CHD1: variants seen among roughly 807,000 people sequenced by gnomAD.
CHD1 encodes the protein ATP-dependent chromatin remodeler CHD1.
Under a neutral mutation model 224.2 loss-of-function variants are expected in CHD1, and 36 were observed. The observed-to-expected ratio is 0.16, with a 90% CI of 0.12 to 0.21. The LOEUF (loss-of-function observed/expected upper bound fraction) is 0.21. CHD1 is among the 10% of genes least tolerant of loss of function. The pLI, the probability that CHD1 is intolerant of heterozygous loss-of-function variation, is 1.00. For synonymous variants in CHD1, 668 were observed against 658.3 expected (o/e 1.01, Z -0.23); for missense variants, 1,378 against 1,994.8 (o/e 0.69, Z 5.89).
chr5:98,903,906 A>G lies in CHD1; in HGVS notation c.258T>C (p.Phe86=), dbSNP rs1751882321. Reference sequence around the variant, plus strand: ...CCAGAATACTAGGACTAGATTTCCAAAACTATAATAGAAATATAAACCAGT... The same window carrying G: ...CCAGAATACTAGGACTAGATTTCCAGAACTATAATAGAAATATAAACCAGT... The part of the protein sequence containing the change: ...AKPPKVDGAE[F]WKSSPSILAV... Residue 86 remains phenylalanine (F), a splice_region_variant and synonymous_variant, in exon 4 of 36, where the codon TTT becomes TTC. Transcript: ENST00000614616. 3 of 1,571,538 alleles carry G rather than the reference A, an allele frequency of 1.9e-6. No individual in the cohort carries two copies. Among genetic ancestry groups the G allele is most frequent in the Non-Finnish European group, 2.6e-6 (3 of 1,150,260 alleles).
At chr5:98,920,120 A>G (rs1305334440) in intron 2 of CHD1, among the ~76,000 whole-genome samples, 1 of 152,130 alleles carries the variant, frequency 6.6e-6, no homozygotes, top group Admixed American at 6.5e-5. Flanking sequence ...TATATTTTAT[A>G]GAGTTGTAAT....
intron 30 of CHD1, 27 bp downstream of exon 30, chr5:98,869,727 G>C: frequency 6.2e-7 from 1 of 1,608,212 alleles, no homozygotes; most frequent in Non-Finnish European, 8.5e-7. Flanking sequence ...CCATAGAAAA[G>C]GTTGTTGTTC....
At chr5:98,903,683 CTACT>C (rs1432904375) in intron 4 of CHD1, 105 bp downstream of exon 4, 6 of 833,120 alleles carry the variant, frequency 7.2e-6, no homozygotes, top group Non-Finnish European at 6.2e-6. Context: ...AAAGTATTTC[CTACT>C]TATTCTTTCA....
At position 98,856,373 on chromosome 5, in the gene CHD1, G is replaced by T. The variant is rs1390563582; in HGVS notation, c.*7C>A. 5 of 1,600,582 alleles carry T rather than the reference G, an allele frequency of 3.1e-6. No individual in the cohort carries two copies. The highest frequency in any genetic ancestry group is 3.4e-6 in the Non-Finnish European group (4 of 1,168,980). On this transcript the variant is annotated 3_prime_UTR_variant, in exon 36 of 36. Coordinates refer to ENST00000614616, the MANE Select transcript of CHD1 (RefSeq NM_001270.4). ...AAAAGTCCAGAAAGACGAAGTATCA[G>T]TTTTTGTTATGTTTTCCGACTACTC...
In CHD1 at chr5:98,893,621, A is replaced by C; in HGVS notation, c.1801-15T>G. ...CCAAGGAATGCCTTAAAATAATAGA[A>C]AAACAGTATTTTGAGAGAAAAACGG... On this transcript the variant is annotated splice_polypyrimidine_tract_variant and intron_variant, in intron 13 of 35. Transcript: ENST00000614616. 1 of 1,502,766 alleles carries C rather than the reference A, an allele frequency of 6.7e-7. No individual in the cohort carries two copies. The highest frequency in any genetic ancestry group is 2.4e-5 in the East Asian group (1 of 41,406). 93.1% of individuals were successfully genotyped at this position (1,502,766 alleles called of 1,614,324 possible).
At chr5:98,890,679 C>T (rs1043229301) in intron 15 of CHD1, among the ~76,000 whole-genome samples, 2 of 151,968 alleles carry the variant, frequency 1.3e-5, no homozygotes, top group East Asian at 1.9e-4. Flanking sequence ...ATTAGATAAT[C>T]GCCATTGTGT....
At chr5:98,863,631 C>T in intron 31 of CHD1, 45 bp from the exon 32 acceptor site, 1 of 1,365,894 alleles carries the variant, frequency 7.3e-7, no homozygotes, top group Non-Finnish European at 1.0e-6. Flanking sequence ...TATTAAAAAC[C>T]TAAATTCAAC....
At chr5:98,864,706 A>G (rs995729409) in intron 31 of CHD1, among the ~76,000 whole-genome samples, 9 of 151,890 alleles carry the variant, frequency 5.9e-5, no homozygotes, top group African/African-American at 2.2e-4. Flanking sequence ...AAAATAATAA[A>G]TCCTCACACC....
At chr5:98,861,827 G>A (rs774637631) in intron 32 of CHD1, among the ~76,000 whole-genome samples, 2 of 151,874 alleles carry the variant, frequency 1.3e-5, no homozygotes, top group East Asian at 1.9e-4. Flanking sequence ...TGAGGGGATC[G>A]GGTCAGCCAA....
Position 98,882,115 on chromosome 5 carries a change from A to T in CHD1, c.2727T>A (p.Ile909=). 1.2e-6 allele frequency: 2 copies of T among 1,612,512 alleles called. No individual in the cohort carries two copies. Among genetic ancestry groups the T allele is most frequent in the Non-Finnish European group, 1.7e-6 (2 of 1,179,604 alleles). The stretch of plus-strand genomic sequence containing the variant: ...CTGATCCCTTTGTAACTAGACGATA[A>T]ATATTCACCTGTAAAAATACACATG... ...HRIGQKKQVN[I]YRLVTKGSVE... Residue 909 remains isoleucine (I), a synonymous_variant, in exon 20 of 36, where the codon ATT becomes ATA. Transcript: ENST00000614616.
intron 32 of CHD1, among the ~76,000 whole-genome samples, 175 bp downstream of exon 32, chr5:98,863,233 C>T (rs1748607446): frequency 6.6e-6 from 1 of 151,370 alleles, no homozygotes; most frequent in Non-Finnish European, 1.5e-5. Flanking sequence ...TAAGTAACCA[C>T]TCATAAATAA....
At chr5:98,891,654 TA>T (rs1237428409) in intron 15 of CHD1, among the ~76,000 whole-genome samples, 2 of 151,670 alleles carry the variant, frequency 1.3e-5, no homozygotes, top group Non-Finnish European at 2.9e-5. Context: ...CTACTAAAAA[TA>T]AAAAAATCAG....
chr5:98,912,894 T>C (rs1467031061), intron 2 of CHD1, among the ~76,000 whole-genome samples: 1 of 152,226 alleles, frequency 6.6e-6, no homozygotes, highest in Non-Finnish European at 1.5e-5. Flanking sequence ...TTTTCTTTCT[T>C]GTACATATAA....
intron 29 of CHD1, among the ~76,000 whole-genome samples, chr5:98,870,215 C>T (rs1203531641): frequency 1.8e-4 from 27 of 152,288 alleles, no homozygotes; most frequent in African/African-American, 6.5e-4. Flanking sequence ...TTTAACGCTA[C>T]ACAGGTAGTT....
At chr5:98,883,852 TA>T (rs1750406903) in intron 18 of CHD1, 3 of 34,442 alleles carry the variant, frequency 8.7e-5, no homozygotes, top group African/African-American at 3.7e-4. Flanking sequence ...TATATATATA[TA>T]TATATATATT....
At chr5:98,894,401 C>A (rs1751218391) in intron 13 of CHD1, among the ~76,000 whole-genome samples, 196 bp downstream of exon 13, 1 of 152,126 alleles carries the variant, frequency 6.6e-6, no homozygotes, top group Non-Finnish European at 1.5e-5. Flanking sequence ...GTTACATATT[C>A]TTTCTAAGAC....
intron 12 of CHD1, 131 bp from the exon 13 acceptor site, chr5:98,894,817 G>A (rs1337071113): frequency 2.4e-6 from 1 of 421,520 alleles, no homozygotes; most frequent in Non-Finnish European, 4.5e-6. Context: ...TAATAAAAGA[G>A]TTTTTGTGGT....
At chr5:98,871,091 T>A (rs1299602859) in intron 28 of CHD1, among the ~76,000 whole-genome samples, 1 of 151,926 alleles carries the variant, frequency 6.6e-6, no homozygotes, top group Non-Finnish European at 1.5e-5. Context: ...TACAAAAGTG[T>A]ACTTAACATC....
At chr5:98,916,908 A>G (rs946119619) in intron 2 of CHD1, among the ~76,000 whole-genome samples, 9 of 149,832 alleles carry the variant, frequency 6.0e-5, no homozygotes, top group Non-Finnish European at 1.2e-4. Context: ...TTCTTTTATT[A>G]TAAATTTTCC....
Sources: gnomAD v4.1 joint callset for allele counts (sites outside exome capture counted in the v4.1 genomes callset) on GRCh38, gnomAD v4.1.1 for gene constraint, MANE v1.5 for transcripts, NCBI Gene and HGNC (gene_info 2026-07-23, HGNC 2026-07-21) for gene names.